The following ATP6V1B2 variants were observed in gnomAD, a reference collection of about 807,000 sequenced individuals.
ATP6V1B2 encodes the protein ATPase H+ transporting V1 subunit B2.
In ATP6V1B2, 23 loss-of-function variants were observed where a neutral mutation model predicts 66.7. The observed-to-expected ratio is 0.34, with a 90% confidence interval of 0.25 to 0.49. The LOEUF (loss-of-function observed/expected upper bound fraction) is 0.49. Ranked by LOEUF, ATP6V1B2 falls within the 20% of genes least tolerant of loss-of-function variation. The pLI is 0.99. For missense variants in ATP6V1B2, 478 were observed against 650.8 expected (o/e 0.73, Z 2.89); for synonymous variants, 278 against 236.7 (o/e 1.17, Z -1.60).
chr8:20,211,064 G>A lies in ATP6V1B2; in HGVS notation c.464-113G>A, dbSNP rs971513952. Reference sequence around the variant, plus strand: ...TTTTTGTAGTAAAGAGATGCTTTATGTAGTTCTGGTCTTCTGGTGCTTTTT... The same window carrying A: ...TTTTTGTAGTAAAGAGATGCTTTATATAGTTCTGGTCTTCTGGTGCTTTTT... On this transcript the variant is annotated intron_variant, in intron 5 of 13. Transcript: ENST00000276390. 4 of 1,339,408 alleles carry A rather than the reference G, an allele frequency of 3.0e-6. No individual in the cohort carries two copies. In the African/African-American group the frequency reaches 6.1e-5, roughly 20 times the overall value. The allele number at this position is 1,339,408 out of a possible 1,614,324, so 83.0% of individuals were successfully genotyped here.
chr8:20,216,306 C>T lies in ATP6V1B2; in HGVS notation c.1079-107C>T, dbSNP rs566709388. On this transcript the variant is annotated intron_variant, in intron 10 of 13. Transcript: ENST00000276390. ...AAGAACACTCTTCTAAGTAATGTTA[C>T]AGGTAGTACAGAGGGACTTTTTGTG... is the stretch of plus-strand genomic sequence containing the variant. 11 of 809,078 alleles carry T rather than the reference C, an allele frequency of 1.4e-5. No homozygotes were observed. In the East Asian group the frequency reaches 2.8e-4, roughly 21 times the overall value. The allele number at this position is 809,078 out of a possible 1,614,324, so 50.1% of individuals were successfully genotyped here.
intron 1 of ATP6V1B2, among the ~76,000 whole-genome samples, chr8:20,197,745 C>T (rs1028623222): frequency 2.0e-5 from 3 of 152,192 alleles, no homozygotes; most frequent in Non-Finnish European, 2.9e-5. Context: ...GGCAAGAGCA[C>T]CAGCGGGAAC....
chr8:20,215,165 C>T, intron 10 of ATP6V1B2, 197 bp downstream of exon 10: 2 of 593,382 alleles, frequency 3.4e-6, no homozygotes, highest in Admixed American at 7.6e-5. Context: ...CAATTTTCTT[C>T]ATAATTTAAG....
intron 5 of ATP6V1B2, 56 bp downstream of exon 5, chr8:20,210,702 G>A: frequency 6.7e-7 from 1 of 1,498,490 alleles, no homozygotes. Context: ...ACTCTGTCTT[G>A]TACCTTTGCC....
At chr8:20,197,581 C>T in intron 1 of ATP6V1B2, 39 bp downstream of exon 1, 2 of 1,336,530 alleles carry the variant, frequency 1.5e-6, no homozygotes, top group African/African-American at 1.5e-5. Flanking sequence ...GTCTTTGCTC[C>T]CTAGCCTAGC....
At position 20,208,906 on chromosome 8, in the gene ATP6V1B2, A is replaced by G. The variant is rs544430969; in HGVS notation, c.193-527A>G. 4.6e-5 allele frequency among the ~76,000 whole-genome samples: 7 copies of G among 152,010 alleles called. No individual in the cohort carries two copies. In the South Asian group the frequency reaches 6.2e-4, roughly 14 times the overall value. On this transcript the variant is annotated intron_variant, in intron 2 of 13. Transcript: ENST00000276390. ...TTTAAAAAATTAAAAATAAAATTTC[A>G]CCATGTTGGCCAGGCTGGTCTCGAA...
intron 2 of ATP6V1B2, 22 bp from the exon 3 acceptor site, chr8:20,209,411 T>TC: frequency 6.2e-7 from 1 of 1,607,786 alleles, no homozygotes; most frequent in Non-Finnish European, 8.5e-7. Context: ...CGGATATTGA[T>TC]CCTTTATTTT....
At chr8:20,214,594 G>A (rs555007671) in intron 9 of ATP6V1B2, 11 of 379,270 alleles carry the variant, frequency 2.9e-5, no homozygotes, top group South Asian at 1.2e-4. Flanking sequence ...ATGGCAATAC[G>A]ATTTTAGCAA....
chr8:20,210,816 G>A (rs991604782), intron 5 of ATP6V1B2, among the ~76,000 whole-genome samples, 170 bp downstream of exon 5: 14 of 151,802 alleles, frequency 9.2e-5, no homozygotes, highest in African/African-American at 2.2e-4. Context: ...AGAAATTATC[G>A]TAAAATTTTA....
rs181214605 is a variant in ATP6V1B2, at chr8:20,216,551, T to C, written c.1161+56T>C. The C allele has an allele frequency of 1.1e-5, 16 of 1,508,830 alleles. No individual in the cohort carries two copies. The East Asian group carries it at 1.8e-4, about 17-fold the overall frequency. The allele number at this position is 1,508,830 out of a possible 1,614,324, so 93.5% of individuals were successfully genotyped here. A position where few individuals can be genotyped will look rare whatever the true frequency, so the allele number is the denominator to read the frequency against. On this transcript the variant is annotated intron_variant, in intron 11 of 13. Transcript: ENST00000276390. Reference sequence around the variant, plus strand: ...GCAGACCTGCTCATCCGTTATTCTTTAGTGACTTGGATTTTGCTCTTAGGA... The same window carrying C: ...GCAGACCTGCTCATCCGTTATTCTTCAGTGACTTGGATTTTGCTCTTAGGA...
intron 2 of ATP6V1B2, among the ~76,000 whole-genome samples, chr8:20,208,361 G>A (rs1477174329): frequency 2.0e-5 from 3 of 152,120 alleles, no homozygotes; most frequent in Non-Finnish European, 4.4e-5. Flanking sequence ...TAATACTAAG[G>A]TGCCCATATC....
At chr8:20,199,217 C>G (rs1405691119) in intron 1 of ATP6V1B2, among the ~76,000 whole-genome samples, 1 of 152,178 alleles carries the variant, frequency 6.6e-6, no homozygotes, top group African/African-American at 2.4e-5. Flanking sequence ...TTTTTCCAGA[C>G]GTTATTCTTG....
intron 1 of ATP6V1B2, among the ~76,000 whole-genome samples, chr8:20,198,089 C>T (rs560700173): frequency 1.3e-5 from 2 of 152,282 alleles, no homozygotes; most frequent in East Asian, 3.9e-4. Context: ...GGGGCTGCTC[C>T]GCAGAAGGAC....
intron 2 of ATP6V1B2, among the ~76,000 whole-genome samples, chr8:20,208,746 C>T (rs2072763097): frequency 1.5e-5 from 2 of 137,704 alleles, no homozygotes; most frequent in Non-Finnish European, 3.1e-5. Flanking sequence ...CTTTTTCTAT[C>T]AGCCAGGCTG....
At chr8:20,214,011 A>G (rs994976010) in intron 9 of ATP6V1B2, 4 of 152,218 alleles carry the variant, frequency 2.6e-5, no homozygotes, top group Non-Finnish European at 5.9e-5. Flanking sequence ...AATTGCCCTG[A>G]AAGTTTCTAA....
chr8:20,202,290 A>G (rs1004254175), intron 1 of ATP6V1B2, among the ~76,000 whole-genome samples: 4 of 152,230 alleles, frequency 2.6e-5, no homozygotes, highest in Non-Finnish European at 5.9e-5. Flanking sequence ...GAGTGTACAC[A>G]TTCAGATCCT....
intron 9 of ATP6V1B2, 49 bp downstream of exon 9, chr8:20,212,954 C>A: frequency 6.2e-7 from 1 of 1,609,588 alleles, no homozygotes; most frequent in Non-Finnish European, 8.5e-7. Context: ...GGTTAATTTT[C>A]AGGGTTAACT....
chr8:20,198,717 A>T (rs1270301763), intron 1 of ATP6V1B2, among the ~76,000 whole-genome samples: 1 of 152,192 alleles, frequency 6.6e-6, no homozygotes, highest in Admixed American at 6.5e-5. Flanking sequence ...AAGCCTGACT[A>T]ATCCACATCC....
chr8:20,214,798 T>A lies in ATP6V1B2; in HGVS notation c.928-20T>A. On this transcript the variant is annotated intron_variant, in intron 9 of 13. Transcript: ENST00000276390. ...GTTGTAATATCGTGCATGATACTCTTCTGCTTGACCTGCTGTCAGGTTTCA... is the reference window on the plus strand; with the variant it reads ...GTTGTAATATCGTGCATGATACTCTACTGCTTGACCTGCTGTCAGGTTTCA... 1 of 1,603,400 alleles carries A rather than the reference T, an allele frequency of 6.2e-7. No homozygotes were observed.
Sources: allele counts gnomAD v4.1 joint callset (sites outside exome capture counted in the v4.1 genomes callset), GRCh38; gene constraint gnomAD v4.1.1; transcripts MANE v1.5; gene names NCBI Gene and HGNC (gene_info 2026-07-23, HGNC 2026-07-21).